Variants in ZNF423 observed in about 807,000 individuals in gnomAD.
ZNF423 encodes zinc finger protein 423.
Under a neutral mutation model 95.8 loss-of-function variants are expected in ZNF423, and 12 were observed. The observed-to-expected ratio is 0.13, with a 90% CI of 0.08 to 0.20. The LOEUF (loss-of-function observed/expected upper bound fraction) is 0.20. Among genes scored for constraint, ZNF423 ranks in the 10% least tolerant of loss-of-function variants. The probability of loss-of-function intolerance (pLI) is 1.00; values close to 1 mark genes in which losing one functional copy is unlikely to be tolerated. For synonymous variants in ZNF423, 749 were observed against 711.9 expected (o/e 1.05, Z -0.83); for missense variants, 1,316 against 1,737.1 (o/e 0.76, Z 4.31).
chr16:49,604,672 C>A (rs1971478172), intron 5 of ZNF423, among the ~76,000 whole-genome samples: 2 of 152,190 alleles, frequency 1.3e-5, no homozygotes, highest in Admixed American at 1.3e-4. Context: ...CTCCCTCTGC[C>A]CCTGTCCCAA....
At chr16:49,845,053 A>C (rs925521942) in intron 1 of ZNF423, among the ~76,000 whole-genome samples, 5 of 151,166 alleles carry the variant, frequency 3.3e-5, no homozygotes, top group Non-Finnish European at 7.4e-5. Flanking sequence ...AAAAAAAAAA[A>C]AAAAAAAAAA....
chr16:49,604,444 C>G (rs1971469506), intron 5 of ZNF423, among the ~76,000 whole-genome samples: 1 of 152,040 alleles, frequency 6.6e-6, no homozygotes, highest in Admixed American at 6.6e-5. Context: ...TCTAGTTGGC[C>G]CACGGGCACC....
At chr16:49,851,427 A>C (rs927995590) in intron 1 of ZNF423, among the ~76,000 whole-genome samples, 1 of 152,238 alleles carries the variant, frequency 6.6e-6, no homozygotes, top group African/African-American at 2.4e-5. Context: ...CATCAGGGGA[A>C]GAATTCCACA....
At position 49,821,569 on chromosome 16, in the gene ZNF423, G is replaced by A. The variant is rs149392166; in HGVS notation, c.41-32023C>T. 8.7e-4 allele frequency among the ~76,000 whole-genome samples: 132 copies of A among 152,226 alleles called. 3 individuals are homozygous for A. Among genetic ancestry groups the A allele is most frequent in the African/African-American group, 2.8e-3 (117 of 41,530 alleles). On this transcript the variant is annotated intron_variant, in intron 1 of 7. Coordinates refer to ENST00000563137, the MANE Select transcript of ZNF423 (RefSeq NM_001379286.1). ...AGTCCTGCTCTGTGACCAGATGAAC[G>A]GAGGGTCTCACTCTAAGGCCTTCAG...
In ZNF423 at chr16:49,650,611, G is replaced by A. The variant is rs572446493; in HGVS notation, c.302-11737C>T. ...GTTATTGTTATTATCCCCATATTAC[G>A]AGTAAGTGGGGGGCCACACACCCAG... is the stretch of plus-strand genomic sequence containing the variant. On this transcript the variant is annotated intron_variant, in intron 3 of 7. Coordinates refer to ENST00000563137, the MANE Select transcript of ZNF423 (RefSeq NM_001379286.1). 5.3e-5 allele frequency among the ~76,000 whole-genome samples: 8 copies of A among 152,298 alleles called. No individual in the cohort carries two copies. The East Asian group carries it at 7.7e-4, about 15-fold the overall frequency.
intron 3 of ZNF423, among the ~76,000 whole-genome samples, chr16:49,707,022 T>C (rs1473226032): frequency 6.6e-6 from 1 of 152,186 alleles, no homozygotes; most frequent in Non-Finnish European, 1.5e-5. Context: ...ACCCTTCTGC[T>C]GACCTCTTCC....
rs201250005 is a variant in ZNF423 at position 49,525,333 on chromosome 16, C to T, written c.3733+30G>A. 1.5e-4 allele frequency: 236 copies of T among 1,613,124 alleles called. 3 individuals carry two copies. The East Asian group carries it at 2.1e-3, about 14-fold the overall frequency. ...GCAGGGCTCCTGTGTTCATCTCTCT[C>T]CCCTGAGGGGCACAAGCTGGGTACC... On this transcript the variant is annotated intron_variant, in intron 6 of 7. Coordinates refer to ENST00000563137, the MANE Select transcript of ZNF423 (RefSeq NM_001379286.1).
At chr16:49,846,131 A>G (rs948170490) in intron 1 of ZNF423, among the ~76,000 whole-genome samples, 3 of 152,118 alleles carry the variant, frequency 2.0e-5, no homozygotes, top group Admixed American at 6.5e-5. Context: ...GTGAAACTCC[A>G]TCTCTAATAA....
chr16:49,856,205 C>T (rs1239707971), upstream of ZNF423: 5 of 136,932 alleles, frequency 3.7e-5, no homozygotes, highest in African/African-American at 5.4e-5. Context: ...CCCTCCTTCC[C>T]TCCCCCACCC....
chr16:49,739,584 T>C (rs956385583), intron 2 of ZNF423, among the ~76,000 whole-genome samples: 1 of 152,264 alleles, frequency 6.6e-6, no homozygotes. Context: ...AAGCCCACTG[T>C]TCTTGTGCCC....
At chr16:49,687,927 G>C (rs2031627752) in intron 3 of ZNF423, among the ~76,000 whole-genome samples, 1 of 152,094 alleles carries the variant, frequency 6.6e-6, no homozygotes, top group Non-Finnish European at 1.5e-5. Flanking sequence ...CCAAGGGAGG[G>C]ACACGGCTGC....
intron 5 of ZNF423, among the ~76,000 whole-genome samples, chr16:49,553,549 G>T (rs1969716129): frequency 6.6e-6 from 1 of 152,028 alleles, no homozygotes; most frequent in African/African-American, 2.4e-5. Flanking sequence ...GTCTTGCTAG[G>T]TTGCCCAGGC....
chr16:49,660,145 TCCTGGATC>T lies in ZNF423; in HGVS notation c.302-21279_302-21272del, dbSNP rs1259514462. On this transcript the variant is annotated intron_variant, in intron 3 of 7. Transcript: ENST00000563137. ...GAGACAATTCTGATAAGCCCTGGAT[TCCTGGATC>T]CCTGGATCCCTGGGAGCCCCCACAA... is the stretch of plus-strand genomic sequence containing the variant. Among the ~76,000 whole-genome samples, 7 of 152,214 alleles carry T rather than the reference TCCTGGATC, an allele frequency of 4.6e-5. No homozygotes were observed. In the East Asian group the frequency reaches 5.8e-4, roughly 13 times the overall value.
Position 49,766,316 on chromosome 16 carries a change from C to T in ZNF423, c.100+23171G>A, listed in dbSNP as rs118093309. Among the ~76,000 whole-genome samples, 15 of 152,258 alleles carry T rather than the reference C, an allele frequency of 9.9e-5. No individual in the cohort carries two copies. In the East Asian group the frequency reaches 2.1e-3, roughly 22 times the overall value. The stretch of plus-strand genomic sequence containing the variant: ...AGCCTAAAGGAGGAGCCAGGCACAG[C>T]GGATGAGGAAATCTCCTGCCCAAGA... On this transcript the variant is annotated intron_variant, in intron 2 of 7. Transcript: ENST00000563137.
intron 5 of ZNF423, among the ~76,000 whole-genome samples, chr16:49,597,772 C>T (rs1328611455): frequency 6.6e-6 from 1 of 152,182 alleles, no homozygotes; most frequent in African/African-American, 2.4e-5. Flanking sequence ...TGCAAGTCTA[C>T]AGCTCTAAGA....
chr16:49,613,751 C>G (rs1971794802), intron 5 of ZNF423, among the ~76,000 whole-genome samples: 1 of 151,998 alleles, frequency 6.6e-6, no homozygotes. Context: ...GCCTTTTCAT[C>G]AAATGATACA....
intron 1 of ZNF423, among the ~76,000 whole-genome samples, chr16:49,811,288 G>A (rs2034747912): frequency 6.6e-6 from 1 of 152,164 alleles, no homozygotes; most frequent in Non-Finnish European, 1.5e-5. Context: ...CAGCGGTAGA[G>A]AGACCCCCAA....
Position 49,638,609 on chromosome 16 carries a change from A to T in ZNF423, c.567T>A (p.Arg189=). ...CSRLFKHKRS[R]DRHIKLHTGD... Reference sequence around the variant, plus strand: ...CCGTATGCAGCTTGATGTGCCGGTCACGGCTCCTCTTGTGCTTGAAGAGGC... The same window carrying T: ...CCGTATGCAGCTTGATGTGCCGGTCTCGGCTCCTCTTGTGCTTGAAGAGGC... The change falls in exon 4 of 8, where the codon CGT becomes CGA. Residue 189 remains arginine, a synonymous_variant. Coordinates refer to ENST00000563137, the MANE Select transcript of ZNF423 (RefSeq NM_001379286.1). The surrounding 1 kb of genome is among the most constrained non-coding windows in gnomAD (Gnocchi z 5.6). The T allele has an allele frequency of 6.2e-7, 1 of 1,613,564 alleles. No individual in the cohort carries two copies. The highest frequency in any genetic ancestry group is 8.5e-7 in the Non-Finnish European group (1 of 1,179,866).
chr16:49,831,901 G>A (rs899804458), intron 1 of ZNF423, among the ~76,000 whole-genome samples: 2 of 151,736 alleles, frequency 1.3e-5, no homozygotes, highest in South Asian at 2.1e-4. Flanking sequence ...CTGGGGAGGC[G>A]GAGGCAGGAG....
Sources: allele counts gnomAD v4.1 joint callset (sites outside exome capture counted in the v4.1 genomes callset), GRCh38; gene constraint gnomAD v4.1.1; non-coding constraint Gnocchi (gnomAD v3.1); transcripts MANE v1.5; gene names NCBI Gene and HGNC (gene_info 2026-07-23, HGNC 2026-07-21).